Variants in DNAH11 observed in about 807,000 individuals in gnomAD.
The protein encoded by DNAH11 is axonemal beta dynein heavy chain 11.
A neutral mutation model predicts 526.0 loss-of-function variants in DNAH11; 442 were observed. That is an observed-to-expected ratio of 0.84 (90% CI 0.78 to 0.91). The LOEUF (loss-of-function observed/expected upper bound fraction) is 0.91. DNAH11 is among the 40% of genes least tolerant of loss of function. The pLI is 0.00. For missense variants in DNAH11, 6,989 were observed against 5,448.7 expected, an observed-to-expected ratio of 1.28 and a Z score of -8.90; for synonymous variants, 2,461 against 1,935.9, an observed-to-expected ratio of 1.27 and a Z score of -7.12.
chr7:21,835,760 G>A (rs1479245840), intron 65 of DNAH11, among the ~76,000 whole-genome samples: 1 of 151,484 alleles, frequency 6.6e-6, no homozygotes, highest in Non-Finnish European at 1.5e-5. Context: ...GTTCTAGGCA[G>A]CAAGTAAGTA....
chr7:21,876,281 A>G (rs1009992513), intron 74 of DNAH11, among the ~76,000 whole-genome samples: 1 of 152,218 alleles, frequency 6.6e-6, no homozygotes, highest in African/African-American at 2.4e-5. Context: ...AAAGTGATTC[A>G]CTAAATAATC....
rs144415372 is a variant in DNAH11, at chr7:21,869,097, G to A, written c.11967+106G>A. On this transcript the variant is annotated intron_variant, in intron 73 of 81. Coordinates refer to ENST00000409508, the MANE Select transcript of DNAH11 (RefSeq NM_001277115.2). ...CTCCCTTAACACCGCTGTGCATGGC[G>A]ATTTGCAGAGTGCAAGCAGTACTGT... 1,124 of 1,492,716 alleles carry A rather than the reference G, an allele frequency of 7.5e-4. 10 individuals carry two copies. The African/African-American group carries it at 0.012, about 16-fold the overall frequency. The allele number at this position is 1,492,716 out of a possible 1,614,324, so 92.5% of individuals were successfully genotyped here.
chr7:21,656,515 C>T (rs767664391), intron 29 of DNAH11, among the ~76,000 whole-genome samples: 32 of 152,298 alleles, frequency 2.1e-4, no homozygotes, highest in Non-Finnish European at 4.0e-4. Context: ...AGCATATTCT[C>T]TCCTCTCACA....
At chr7:21,664,915 G>T (rs1366624912) in intron 30 of DNAH11, among the ~76,000 whole-genome samples, 1 of 152,078 alleles carries the variant, frequency 6.6e-6, no homozygotes, top group East Asian at 1.9e-4. Flanking sequence ...ACTGAAATGG[G>T]AACATTTCTG....
At position 21,816,600 on chromosome 7, in the gene DNAH11, G is replaced by A. The variant is rs753202871; in HGVS notation, c.10466G>A (p.Cys3489Tyr). The A allele has an allele frequency of 1.2e-6, 2 of 1,613,738 alleles. No homozygotes were observed. The highest frequency in any genetic ancestry group is 8.5e-7 in the Non-Finnish European group (1 of 1,179,822). Residue 3489 changes from cysteine to tyrosine, a missense_variant, in exon 64 of 82, where the codon TGT becomes TAT. By Grantham distance (194) the Cys-to-Tyr change is radical (BLOSUM62 -2). Coordinates refer to ENST00000409508, the MANE Select transcript of DNAH11 (RefSeq NM_001277115.2). ...STENAAILTH[C>Y]ERWPLVIDPQ... ...GAAAATGCCGCTATCCTAACACACT[G>A]TGAGCGCTGGCCTCTGGTGATAGAT...
intron 45 of DNAH11, among the ~76,000 whole-genome samples, chr7:21,727,585 C>T (rs1785182724): frequency 1.3e-5 from 2 of 152,166 alleles, no homozygotes; most frequent in South Asian, 4.1e-4. Flanking sequence ...CTTTGATCAT[C>T]GTATTCTACC....
rs1414804320 is a variant in DNAH11 at position 21,868,107 on chromosome 7, T to C, written c.11839+100T>C. On this transcript the variant is annotated intron_variant, in intron 72 of 81. Transcript: ENST00000409508. ...CAGTTCACAGTGATCTTAGTTTCTT[T>C]TTTTTTTTTTTTTAATTTGTTGAAG... 1.9e-5 allele frequency: 20 copies of C among 1,064,758 alleles called. No homozygotes were observed. The African/African-American group carries it at 2.4e-4, about 13-fold the overall frequency. The allele number at this position is 1,064,758 out of a possible 1,614,324, so 66.0% of individuals were successfully genotyped here.
At chr7:21,759,381 A>G (rs1786786241) in intron 54 of DNAH11, among the ~76,000 whole-genome samples, 1 of 152,194 alleles carries the variant, frequency 6.6e-6, no homozygotes, top group African/African-American at 2.4e-5. Context: ...AAATGTACTG[A>G]GTGTGCACAT....
Position 21,704,425 on chromosome 7 carries a change from T to C in DNAH11, c.6274-9T>C. 6.2e-7 allele frequency: 1 copy of C among 1,603,944 alleles called. No homozygotes were observed. The stretch of plus-strand genomic sequence containing the variant: ...TATTGGCTTTTTTATAAAATGTTTT[T>C]TTTTCTAGGTACTCATGAGAGCATT... On this transcript the variant is annotated splice_polypyrimidine_tract_variant and intron_variant, in intron 37 of 81. Coordinates refer to ENST00000409508, the MANE Select transcript of DNAH11 (RefSeq NM_001277115.2).
chr7:21,615,350 C>T, intron 21 of DNAH11, 78 bp downstream of exon 21: 1 of 1,509,036 alleles, frequency 6.6e-7, no homozygotes, highest in Non-Finnish European at 8.9e-7. Flanking sequence ...CTATATTATT[C>T]TATTTGGGTT....
chr7:21,882,065 A>G (rs1415491749), intron 75 of DNAH11, among the ~76,000 whole-genome samples: 1 of 152,234 alleles, frequency 6.6e-6, no homozygotes, highest in Non-Finnish European at 1.5e-5. Context: ...TCTAGGTAGA[A>G]AAAGGAATGG....
rs768704826 is a variant in DNAH11 at position 21,702,620 on chromosome 7, CCTT to C, written c.6181-86_6181-84del. ...ATTAAAGTGTGTATTTATCTGAACT[CCTT>C]CTTAAAAACTTTCAGCTCTTACCTC... On this transcript the variant is annotated intron_variant, in intron 36 of 81. Transcript: ENST00000409508. 2.6e-5 allele frequency: 26 copies of C among 1,016,316 alleles called. No individual in the cohort carries two copies. In the East Asian group the frequency reaches 4.1e-4, roughly 16 times the overall value. The allele number at this position is 1,016,316 out of a possible 1,614,324, so 63.0% of individuals were successfully genotyped here.
intron 28 of DNAH11, among the ~76,000 whole-genome samples, chr7:21,650,683 A>C (rs1023957797): frequency 3.3e-5 from 5 of 151,560 alleles, no homozygotes; most frequent in Admixed American, 1.3e-4. Context: ...CTTGTCTCCC[A>C]GGCTGGAGTG....
chr7:21,687,788 C>T (rs561239218), intron 34 of DNAH11, among the ~76,000 whole-genome samples: 1 of 152,312 alleles, frequency 6.6e-6, no homozygotes, highest in Non-Finnish European at 1.5e-5. Context: ...GACACAGTGA[C>T]TCATGCTTGT....
chr7:21,627,039 C>T (rs766067613), intron 25 of DNAH11, among the ~76,000 whole-genome samples: 2 of 152,012 alleles, frequency 1.3e-5, no homozygotes, highest in Admixed American at 6.6e-5. Context: ...TAATCCACAG[C>T]GCCCGGCCTG....
chr7:21,581,250 G>C lies in DNAH11; in HGVS notation c.1594-655G>C, dbSNP rs544475212. 6.6e-5 allele frequency among the ~76,000 whole-genome samples: 10 copies of C among 152,342 alleles called. No individual in the cohort carries two copies. In the East Asian group the frequency reaches 1.7e-3, roughly 26 times the overall value. On this transcript the variant is annotated intron_variant, in intron 8 of 81. Transcript: ENST00000409508. ...ACTGGAGACTCAACTCTGATGCTGT[G>C]AAGATAATAGTTATTCTTTCACCGT...
chr7:21,740,407 C>A (rs1274899885), intron 48 of DNAH11, among the ~76,000 whole-genome samples: 1 of 152,154 alleles, frequency 6.6e-6, no homozygotes, highest in African/African-American at 2.4e-5. Flanking sequence ...CCCCTGGCAA[C>A]CACCATTCTA....
intron 35 of DNAH11, among the ~76,000 whole-genome samples, chr7:21,693,640 A>C (rs1783721551): frequency 1.3e-5 from 2 of 152,212 alleles, no homozygotes; most frequent in Non-Finnish European, 2.9e-5. Context: ...TTCCTTTAAT[A>C]GATACAGGGA....
chr7:21,901,440 T>C lies in DNAH11; in HGVS notation c.*186T>C, dbSNP rs1784840783. ...GAAACTAACTCAGGGCTGAGCGTGG[T>C]GGCACACGACTGTAATCCCAGTTAC... is the stretch of plus-strand genomic sequence containing the variant. On this transcript the variant is annotated 3_prime_UTR_variant, in exon 82 of 82. Transcript: ENST00000409508. 12 of 789,198 alleles carry C rather than the reference T, an allele frequency of 1.5e-5. No individual in the cohort carries two copies. The highest frequency in any genetic ancestry group is 2.1e-5 in the Non-Finnish European group (12 of 568,386). 48.9% of individuals were successfully genotyped at this position (789,198 alleles called of 1,614,324 possible). A position where few individuals can be genotyped will look rare whatever the true frequency, so the allele number is the denominator to read the frequency against.
Sources: allele counts gnomAD v4.1 joint callset (sites outside exome capture counted in the v4.1 genomes callset), GRCh38; gene constraint gnomAD v4.1.1; transcripts MANE v1.5; gene names NCBI Gene and HGNC (gene_info 2026-07-23, HGNC 2026-07-21).